ZFHX3: variants seen among roughly 807,000 people sequenced by gnomAD.
ZFHX3 encodes zinc finger homeobox protein 3.
ZFHX3 carries 42 observed loss-of-function variants against 279.1 expected under a neutral mutation model. The observed-to-expected ratio is 0.15, with a 90% confidence interval of 0.12 to 0.19. ZFHX3 has a LOEUF of 0.19. ZFHX3 is among the 10% of genes least tolerant of loss of function. ZFHX3 has a pLI of 1.00. For missense variants in ZFHX3, 4,981 were observed against 4,754.0 expected (o/e 1.05, Z -1.40); for synonymous variants, 2,293 against 1,957.8 (o/e 1.17, Z -4.52).
intron 3 of ZFHX3, among the ~76,000 whole-genome samples, chr16:73,373,291 GCT>G (rs1567464342): frequency 6.6e-6 from 1 of 152,112 alleles, no homozygotes; most frequent in East Asian, 1.9e-4. Context: ...ATGAAGCATC[GCT>G]CTCAGGTCAG....
chr16:73,250,819 C>T (rs1027364595), intron 5 of ZFHX3, among the ~76,000 whole-genome samples: 1 of 152,176 alleles, frequency 6.6e-6, no homozygotes, highest in Admixed American at 6.5e-5. Context: ...CAAGTGTGAG[C>T]CTTTAAGCCA....
chr16:73,513,251 AC>A (rs1340196750), intron 2 of ZFHX3, among the ~76,000 whole-genome samples: 1 of 152,204 alleles, frequency 6.6e-6, no homozygotes, highest in Non-Finnish European at 1.5e-5. Context: ...GACTGCAGTT[AC>A]CACTCAGTAG....
chr16:73,548,346 T>A (rs1239181177), intron 2 of ZFHX3, among the ~76,000 whole-genome samples: 1 of 152,222 alleles, frequency 6.6e-6, no homozygotes, highest in African/African-American at 2.4e-5. Context: ...GATCTCGTCT[T>A]CTTTAGTTCT....
intron 1 of ZFHX3, among the ~76,000 whole-genome samples, chr16:73,748,204 T>C (rs1422787745): frequency 6.6e-6 from 1 of 152,094 alleles, no homozygotes; most frequent in African/African-American, 2.4e-5. Context: ...AAAATAATAA[T>C]ATTTATAAGG....
At chr16:73,411,463 A>C (rs895129460) in intron 3 of ZFHX3, among the ~76,000 whole-genome samples, 5 of 152,194 alleles carry the variant, frequency 3.3e-5, no homozygotes, top group Non-Finnish European at 5.9e-5. Flanking sequence ...ATCAAATGGG[A>C]ATATATGATT....
At chr16:73,732,296 G>C (rs1168363053) in intron 1 of ZFHX3, among the ~76,000 whole-genome samples, 1 of 152,184 alleles carries the variant, frequency 6.6e-6, no homozygotes, top group East Asian at 1.9e-4. Flanking sequence ...CTTTCTGAAG[G>C]TTTCACCAAA....
At chr16:73,011,390 C>T (rs1963913188) in intron 1 of ZFHX3, among the ~76,000 whole-genome samples, 2 of 151,942 alleles carry the variant, frequency 1.3e-5, no homozygotes, top group Admixed American at 6.5e-5. Context: ...CCTTGAACTC[C>T]CAAAGCACTA....
At chr16:73,644,128 A>C (rs2052597315) in intron 2 of ZFHX3, among the ~76,000 whole-genome samples, 1 of 152,070 alleles carries the variant, frequency 6.6e-6, no homozygotes, top group Non-Finnish European at 1.5e-5. Context: ...TCTTTGACCT[A>C]GGTGGTTCTG....
In ZFHX3 at chr16:72,958,515, G is replaced by A. The variant is rs62620235; in HGVS notation, c.1631C>T (p.Ser544Leu). The A allele has an allele frequency of 8.6e-4, 1,382 of 1,614,012 alleles. 2 individuals carry two copies. Among genetic ancestry groups the A allele is most frequent in the Non-Finnish European group, 1.1e-3 (1,308 of 1,180,036 alleles). ...PLMPNVLQTL[S>L]RGTASTSSNS... The stretch of plus-strand genomic sequence containing the variant: ...AGAACTAGTAGAAGCTGTGCCCCTC[G>A]ACAGGGTCTGGAGCACGTTAGGCAT... Residue 544 changes from serine to leucine, a missense_variant, in exon 2 of 10, where the codon TCG becomes TTG. Around this residue, in one of 7 missense-constraint regions of ZFHX3, gnomAD observed 1,068 missense variants for 935.2 expected, o/e 1.14. Coordinates refer to ENST00000268489, the MANE Select transcript of ZFHX3 (RefSeq NM_006885.4).
At chr16:73,681,069 T>A (rs1368458983) in intron 1 of ZFHX3, among the ~76,000 whole-genome samples, 1 of 152,240 alleles carries the variant, frequency 6.6e-6, no homozygotes, top group East Asian at 1.9e-4. Flanking sequence ...TCTCAGTGGA[T>A]GTCTGGTCTT....
At chr16:73,854,694 G>A (rs1208423134) in intron 1 of ZFHX3, among the ~76,000 whole-genome samples, 1 of 125,428 alleles carries the variant, frequency 8.0e-6, no homozygotes, top group African/African-American at 3.2e-5. Context: ...TGCTGGAGGT[G>A]ATGCGATAAA....
At chr16:72,972,627 G>A (rs1962156261) in intron 1 of ZFHX3, among the ~76,000 whole-genome samples, 1 of 152,176 alleles carries the variant, frequency 6.6e-6, no homozygotes, top group South Asian at 2.1e-4. Context: ...CTCCGGGAGG[G>A]TGGGAAGGCA....
At chr16:73,556,825 G>T (rs1033464991) in intron 2 of ZFHX3, among the ~76,000 whole-genome samples, 2 of 151,610 alleles carry the variant, frequency 1.3e-5, no homozygotes, top group Non-Finnish European at 2.9e-5. Flanking sequence ...GCCGGGCGCG[G>T]TGGCTCATGC....
chr16:73,413,949 A>G, intron 3 of ZFHX3, among the ~76,000 whole-genome samples: 1 of 152,244 alleles, frequency 6.6e-6, no homozygotes, highest in Non-Finnish European at 1.5e-5. Flanking sequence ...TCAATATTCA[A>G]AGTTTTTATG....
intron 1 of ZFHX3, among the ~76,000 whole-genome samples, chr16:73,002,843 T>G (rs1963551171): frequency 6.6e-6 from 1 of 152,212 alleles, no homozygotes; most frequent in South Asian, 2.1e-4. Context: ...TGCAAACTTT[T>G]AAGCACATAT....
chr16:73,423,157 A>G (rs1401691939), intron 3 of ZFHX3, among the ~76,000 whole-genome samples: 1 of 152,078 alleles, frequency 6.6e-6, no homozygotes, highest in East Asian at 1.9e-4. Context: ...GGACTTCAAC[A>G]TATGATTTTT....
At chr16:72,988,979 C>A (rs1469201974) in intron 1 of ZFHX3, among the ~76,000 whole-genome samples, 1 of 152,022 alleles carries the variant, frequency 6.6e-6, no homozygotes, top group Non-Finnish European at 1.5e-5. Flanking sequence ...AGTTTGAGAC[C>A]AGCCTGGACA....
chr16:73,127,452 T>A (rs1403747920), intron 7 of ZFHX3: 5 of 1,305,290 alleles, frequency 3.8e-6, no homozygotes, highest in African/African-American at 1.5e-5. Flanking sequence ...AACTGAGACA[T>A]CAAGCGAGAG....
At chr16:73,305,065 TA>T (rs1415551513) in intron 4 of ZFHX3, among the ~76,000 whole-genome samples, 1 of 114,678 alleles carries the variant, frequency 8.7e-6, no homozygotes, top group East Asian at 2.0e-4. Flanking sequence ...ACAAATAAAA[TA>T]AAATAAAAAA....
Sources: allele counts gnomAD v4.1 joint callset (sites outside exome capture counted in the v4.1 genomes callset), GRCh38; gene constraint gnomAD v4.1.1; regional missense constraint gnomAD v4.1.1; transcripts MANE v1.5; gene names NCBI Gene and HGNC (gene_info 2026-07-23, HGNC 2026-07-21).